The following DSCAM variants were observed in gnomAD, a reference collection of about 807,000 sequenced individuals.
DSCAM encodes DS cell adhesion molecule.
Under a neutral mutation model 217.7 loss-of-function variants are expected in DSCAM, and 47 were observed. The observed-to-expected ratio is 0.22, with a 90% confidence interval of 0.17 to 0.28. The LOEUF is 0.28. Ranked by LOEUF, DSCAM falls within the 10% of genes least tolerant of loss-of-function variation. DSCAM has a pLI of 1.00. For synonymous variants in DSCAM, 1,056 were observed against 1,015.3 expected (o/e 1.04, Z -0.76); for missense variants, 2,080 against 2,618.3 (o/e 0.79, Z 4.49).
At chr21:40,661,980 AT>A (rs1247290188) in intron 3 of DSCAM, among the ~76,000 whole-genome samples, 1 of 152,198 alleles carries the variant, frequency 6.6e-6, no homozygotes, top group Non-Finnish European at 1.5e-5. Flanking sequence ...GCAAGATATT[AT>A]TTTTTTCAAA....
chr21:40,829,825 G>A (rs2091998619), intron 1 of DSCAM, among the ~76,000 whole-genome samples: 1 of 152,180 alleles, frequency 6.6e-6, no homozygotes, highest in Admixed American at 6.5e-5. Context: ...CAAGTGCTTG[G>A]CAATGTTTTC....
chr21:40,629,857 C>T (rs533171806), intron 3 of DSCAM, among the ~76,000 whole-genome samples: 3 of 152,130 alleles, frequency 2.0e-5, no homozygotes, highest in Admixed American at 2.0e-4. Flanking sequence ...TATTGGAGAC[C>T]TGGCATCTAC....
chr21:40,677,489 C>A (rs748278089), intron 3 of DSCAM, among the ~76,000 whole-genome samples: 1 of 152,100 alleles, frequency 6.6e-6, no homozygotes, highest in Non-Finnish European at 1.5e-5. Context: ...CTGGTGTGTT[C>A]TTCTGAAGAT....
intron 1 of DSCAM, among the ~76,000 whole-genome samples, chr21:40,798,656 G>T (rs751587817): frequency 6.6e-6 from 1 of 152,020 alleles, no homozygotes; most frequent in Non-Finnish European, 1.5e-5. Context: ...ATGGAAGAAC[G>T]TCTACTGATG....
intron 15 of DSCAM, among the ~76,000 whole-genome samples, chr21:40,168,720 G>A (rs1423803091): frequency 1.3e-5 from 2 of 152,090 alleles, no homozygotes; most frequent in East Asian, 1.9e-4. Context: ...TTGGGGAAGC[G>A]CATGACTAAG....
intron 2 of DSCAM, among the ~76,000 whole-genome samples, chr21:40,704,580 G>T (rs1165429339): frequency 6.6e-6 from 1 of 151,908 alleles, no homozygotes; most frequent in Non-Finnish European, 1.5e-5. Context: ...AATTAGCCAG[G>T]TGTGGTGACT....
chr21:40,504,563 A>T (rs1726982062), intron 3 of DSCAM, among the ~76,000 whole-genome samples: 1 of 152,226 alleles, frequency 6.6e-6, no homozygotes, highest in African/African-American at 2.4e-5. Context: ...TTTAGAAAGC[A>T]AAATAAAAAA....
chr21:40,601,685 T>A lies in DSCAM; in HGVS notation c.508+91125A>T, dbSNP rs139443807. On this transcript the variant is annotated intron_variant, in intron 3 of 32. Transcript: ENST00000400454. ...TTTTTCCAAGATGAGGAAGTTCCCC[T>A]CTATTCCTAGTTTGCTGAGACATTT... Among the ~76,000 whole-genome samples, 1,282 of 152,350 alleles carry A rather than the reference T, an allele frequency of 8.4e-3. 19 individuals carry two copies. Among genetic ancestry groups the A allele is most frequent in the African/African-American group, 0.029 (1,216 of 41,588 alleles).
intron 14 of DSCAM, among the ~76,000 whole-genome samples, chr21:40,180,407 A>G (rs1044223544): frequency 6.6e-6 from 1 of 152,232 alleles, no homozygotes; most frequent in Non-Finnish European, 1.5e-5. Context: ...AGTTAGAAGG[A>G]AAAAGCATAT....
chr21:40,075,645 G>C (rs1020908531), intron 26 of DSCAM, among the ~76,000 whole-genome samples: 1 of 152,202 alleles, frequency 6.6e-6, no homozygotes, highest in Admixed American at 6.5e-5. Flanking sequence ...TGTGCAGGGA[G>C]AGGGTCCTAG....
At chr21:40,014,847 C>T (rs558659245) in intron 32 of DSCAM, among the ~76,000 whole-genome samples, 2 of 152,364 alleles carry the variant, frequency 1.3e-5, no homozygotes, top group South Asian at 4.1e-4. Flanking sequence ...TGAAAGGTCA[C>T]CCTGACCTCT....
chr21:40,586,536 A>G (rs1369357270), intron 3 of DSCAM, among the ~76,000 whole-genome samples: 2 of 152,236 alleles, frequency 1.3e-5, no homozygotes, highest in South Asian at 2.1e-4. Flanking sequence ...CATTTGCATA[A>G]TAATCACTAG....
chr21:40,144,478 C>T lies in DSCAM; in HGVS notation c.3259+13G>A, dbSNP rs758223455. ...GGAGGGAAAAGCCACGACCAGGCCC[C>T]GGCCGAACCTACCATCCTCGAGAGT... On this transcript the variant is annotated intron_variant, in intron 17 of 32. Transcript: ENST00000400454. The surrounding 1 kb of genome is among the most constrained non-coding windows in gnomAD (Gnocchi z 4.8). 5.0e-6 allele frequency: 8 copies of T among 1,613,024 alleles called. No individual in the cohort carries two copies. Among genetic ancestry groups the T allele is most frequent in the Non-Finnish European group, 6.8e-6 (8 of 1,179,236 alleles).
At chr21:40,419,005 T>C (rs2075397906) in intron 3 of DSCAM, among the ~76,000 whole-genome samples, 1 of 152,078 alleles carries the variant, frequency 6.6e-6, no homozygotes, top group Non-Finnish European at 1.5e-5. Context: ...GAGTCTCGCT[T>C]TGTCACCCAG....
At chr21:40,740,477 G>A (rs1180253282) in intron 1 of DSCAM, among the ~76,000 whole-genome samples, 1 of 152,154 alleles carries the variant, frequency 6.6e-6, no homozygotes, top group Non-Finnish European at 1.5e-5. Context: ...GGAATAAAAA[G>A]CTCTTCTTTA....
chr21:40,542,821 C>A (rs1397267382), intron 3 of DSCAM, among the ~76,000 whole-genome samples: 1 of 152,134 alleles, frequency 6.6e-6, no homozygotes, highest in African/African-American at 2.4e-5. Flanking sequence ...GCTTAAAATC[C>A]TAGTTATTAA....
chr21:40,037,757 C>A (rs1028610724), intron 32 of DSCAM, among the ~76,000 whole-genome samples: 4 of 144,714 alleles, frequency 2.8e-5, no homozygotes, highest in Non-Finnish European at 6.1e-5. Flanking sequence ...CACTACCTGA[C>A]TTCAAACTAT....
chr21:40,141,999 C>T (rs1370734225), intron 18 of DSCAM, among the ~76,000 whole-genome samples: 3 of 151,158 alleles, frequency 2.0e-5, no homozygotes, highest in Admixed American at 6.6e-5. Context: ...CACACACACA[C>T]GATAAAGAAC....
At chr21:40,231,046 AGGCTGGAGAG>A (rs1391823005) in intron 11 of DSCAM, among the ~76,000 whole-genome samples, 4 of 148,716 alleles carry the variant, frequency 2.7e-5, no homozygotes, top group African/African-American at 1.0e-4. Flanking sequence ...TCATATAGGT[AGGCTGGAGAG>A]GGCTGGAGTG....
Sources: gnomAD v4.1 joint callset for allele counts (sites outside exome capture counted in the v4.1 genomes callset) on GRCh38, gnomAD v4.1.1 for gene constraint, Gnocchi (gnomAD v3.1) non-coding constraint, MANE v1.5 for transcripts, NCBI Gene and HGNC (gene_info 2026-07-23, HGNC 2026-07-21) for gene names.